Variants in PTPRD observed in about 807,000 individuals in gnomAD.
PTPRD encodes the protein receptor-type tyrosine-protein phosphatase delta.
In PTPRD, 34 loss-of-function variants were observed where a neutral mutation model predicts 214.5. The observed-to-expected ratio is 0.16, with a 90% CI of 0.12 to 0.21. PTPRD has a LOEUF of 0.21. Ranked by LOEUF, PTPRD falls within the 10% of genes least tolerant of loss-of-function variation. The pLI is 1.00. For missense variants in PTPRD, 2,545 were observed against 2,398.7 expected (o/e 1.06, Z -1.27); for synonymous variants, 1,128 against 845.7 (o/e 1.33, Z -5.79).
chr9:9,140,671 C>T (rs755536389), intron 10 of PTPRD, among the ~76,000 whole-genome samples: 28 of 152,204 alleles, frequency 1.8e-4, no homozygotes, highest in Non-Finnish European at 2.8e-4. Context: ...CTTCGCCTCC[C>T]GGGTTCACGC....
intron 3 of PTPRD, among the ~76,000 whole-genome samples, chr9:10,101,408 T>C (rs1054846018): frequency 6.6e-6 from 1 of 151,678 alleles, no homozygotes; most frequent in Non-Finnish European, 1.5e-5. Context: ...TCCTAGGATG[T>C]AGTATCAGGT....
intron 9 of PTPRD, among the ~76,000 whole-genome samples, chr9:9,211,513 A>ACG (rs775589495): frequency 0.02 from 2,215 of 110,878 alleles, 22 homozygotes; most frequent in South Asian, 0.03. Flanking sequence ...CAGTGTGCGC[A>ACG]CGCACACACA....
At chr9:8,607,897 T>G (rs1368953078) in intron 14 of PTPRD, among the ~76,000 whole-genome samples, 1 of 152,200 alleles carries the variant, frequency 6.6e-6, no homozygotes, top group Non-Finnish European at 1.5e-5. Context: ...TATGGTGGAC[T>G]TTATAGGAAA....
chr9:9,837,668 G>C (rs1023391005), intron 5 of PTPRD, among the ~76,000 whole-genome samples: 1 of 152,162 alleles, frequency 6.6e-6, no homozygotes, highest in African/African-American at 2.4e-5. Flanking sequence ...TCAGTGACAT[G>C]AGGGGAGTGG....
At chr9:10,425,791 T>C (rs1044201633) in intron 2 of PTPRD, among the ~76,000 whole-genome samples, 1 of 151,960 alleles carries the variant, frequency 6.6e-6, no homozygotes, top group African/African-American at 2.4e-5. Context: ...AAAATTTTAA[T>C]TAAACTAATA....
chr9:9,150,277 G>C (rs1329103912), intron 10 of PTPRD, among the ~76,000 whole-genome samples: 1 of 151,910 alleles, frequency 6.6e-6, no homozygotes, highest in East Asian at 1.9e-4. Context: ...TCTTCCAAAA[G>C]TCTCAATATA....
At chr9:9,244,657 A>G (rs1296389837) in intron 9 of PTPRD, among the ~76,000 whole-genome samples, 1 of 152,202 alleles carries the variant, frequency 6.6e-6, no homozygotes, top group African/African-American at 2.4e-5. Context: ...TAAGACTTAA[A>G]TGTTAGACCA....
Position 9,208,020 on chromosome 9 carries a change from CT to C in PTPRD, c.-202-24658del, listed in dbSNP as rs749709602. ...TGGTATGGCTATTCATATATATCTG[CT>C]TTTTTTTTTTTTTTTTGAGACAGAG... On this transcript the variant is annotated intron_variant, in intron 9 of 45. Coordinates refer to ENST00000381196, the MANE Select transcript of PTPRD (RefSeq NM_002839.4). Among the ~76,000 whole-genome samples the C allele has an allele frequency of 3.6e-3, 191 of 53,264 alleles. 31 individuals are homozygous for C. Among genetic ancestry groups the C allele is most frequent in the Non-Finnish European group, 5.3e-3 (139 of 26,210 alleles). 34.9% of individuals were successfully genotyped at this position (53,264 alleles called of 152,430 possible).
chr9:9,067,301 T>C (rs2099736259), intron 10 of PTPRD, among the ~76,000 whole-genome samples: 1 of 152,254 alleles, frequency 6.6e-6, no homozygotes, highest in Non-Finnish European at 1.5e-5. Flanking sequence ...ACTGTATTTT[T>C]GTGTTTATTA....
At chr9:10,009,203 A>T (rs1387428477) in intron 4 of PTPRD, among the ~76,000 whole-genome samples, 1 of 152,022 alleles carries the variant, frequency 6.6e-6, no homozygotes, top group Non-Finnish European at 1.5e-5. Flanking sequence ...ATTTGTCAAC[A>T]ATAAAGAGTC....
chr9:8,485,734 A>T lies in PTPRD; in HGVS notation c.3055+28T>A, dbSNP rs770034094. 5.8e-6 allele frequency: 9 copies of T among 1,555,898 alleles called. No homozygotes were observed. In the African/African-American group the frequency reaches 1.2e-4, roughly 21 times the overall value. On this transcript the variant is annotated intron_variant, in intron 28 of 45. Coordinates refer to ENST00000381196, the MANE Select transcript of PTPRD (RefSeq NM_002839.4). ...CCAAAGACTGACAATCCTTTAAAGG[A>T]GGAAGGCCGTAAGCAGACAAATCCT...
intron 3 of PTPRD, among the ~76,000 whole-genome samples, chr9:10,198,134 G>T (rs1447933874): frequency 6.6e-6 from 1 of 151,916 alleles, no homozygotes; most frequent in Non-Finnish European, 1.5e-5. Flanking sequence ...CTTTCATATT[G>T]TATATATAAT....
intron 35 of PTPRD, among the ~76,000 whole-genome samples, chr9:8,435,235 G>A (rs778757287): frequency 1.3e-5 from 2 of 152,172 alleles, no homozygotes; most frequent in Non-Finnish European, 2.9e-5. Context: ...GGAAGGCCAT[G>A]CCACAGGCCT....
At chr9:8,327,579 C>T (rs1271606936) in intron 44 of PTPRD, among the ~76,000 whole-genome samples, 1 of 152,056 alleles carries the variant, frequency 6.6e-6, no homozygotes, top group East Asian at 1.9e-4. Context: ...GTGTTCAAGT[C>T]CTGAATGTCC....
intron 9 of PTPRD, among the ~76,000 whole-genome samples, chr9:9,273,836 T>C (rs1943917929): frequency 6.6e-6 from 1 of 151,308 alleles, no homozygotes; most frequent in South Asian, 2.1e-4. Context: ...CCATTCTTGT[T>C]CATCATTCAG....
chr9:10,582,238 T>C (rs2072149555), intron 2 of PTPRD, among the ~76,000 whole-genome samples: 2 of 152,180 alleles, frequency 1.3e-5, no homozygotes, highest in Admixed American at 1.3e-4. Flanking sequence ...TGAGCCATTA[T>C]CAGTTTTTGA....
At chr9:8,943,942 C>A (rs943139012) in intron 11 of PTPRD, among the ~76,000 whole-genome samples, 2 of 151,804 alleles carry the variant, frequency 1.3e-5, no homozygotes, top group South Asian at 4.2e-4. Context: ...GCAAAGGGAA[C>A]AATCAACAAA....
At chr9:9,400,968 C>T (rs1026072914) in intron 8 of PTPRD, among the ~76,000 whole-genome samples, 1 of 151,848 alleles carries the variant, frequency 6.6e-6, no homozygotes, top group Non-Finnish European at 1.5e-5. Context: ...AATGCAGGAA[C>T]AGAATACTAA....
At chr9:9,110,021 G>A (rs1328043451) in intron 10 of PTPRD, among the ~76,000 whole-genome samples, 1 of 152,112 alleles carries the variant, frequency 6.6e-6, no homozygotes, top group Non-Finnish European at 1.5e-5. Flanking sequence ...GCTCCAAAGA[G>A]ACACTACAGA....
Sources: allele counts gnomAD v4.1 joint callset (sites outside exome capture counted in the v4.1 genomes callset), GRCh38; gene constraint gnomAD v4.1.1; transcripts MANE v1.5; gene names NCBI Gene and HGNC (gene_info 2026-07-23, HGNC 2026-07-21).